Variants in DPP6 observed in about 807,000 individuals in gnomAD.
The protein encoded by DPP6 is A-type potassium channel modulatory protein DPP6.
A neutral mutation model predicts 122.6 loss-of-function variants in DPP6; 69 were observed. That is an observed-to-expected ratio of 0.56 (90% CI 0.46 to 0.69). The LOEUF is 0.69. Ranked by LOEUF, DPP6 falls within the 30% of genes least tolerant of loss-of-function variation. The pLI, the probability that DPP6 is intolerant of heterozygous loss-of-function variation, is 0.00. For missense variants in DPP6, 928 were observed against 1,116.9 expected (o/e 0.83, Z 2.41); for synonymous variants, 418 against 433.1 (o/e 0.97, Z 0.43).
At chr7:154,089,715 A>G (rs11984404) in intron 1 of DPP6, among the ~76,000 whole-genome samples, 32,046 of 139,176 alleles carry the variant, frequency 0.23, 4,283 homozygotes, top group African/African-American at 0.37. Context: ...CACTCATGAA[A>G]TCGACGTGAA....
the DPP6 span, among the ~76,000 whole-genome samples, chr7:153,853,927 A>G: frequency 2.7e-5 from 4 of 149,402 alleles, no homozygotes; most frequent in African/African-American, 9.9e-5. Context: ...GCCCATGCCT[A>G]TGTCCTGAAT....
At chr7:153,869,156 T>G in the DPP6 span, among the ~76,000 whole-genome samples, 1 of 152,246 alleles carries the variant, frequency 6.6e-6, no homozygotes, top group African/African-American at 2.4e-5. Flanking sequence ...GTTCTGTAGA[T>G]GTCTATTAGG....
chr7:153,904,943 A>G lies in DPP6; in HGVS notation c.51+17209A>G, dbSNP rs562760958. Among the ~76,000 whole-genome samples the G allele has an allele frequency of 3.9e-5, 6 of 152,358 alleles. No homozygotes were observed. The East Asian group carries it at 9.6e-4, about 25-fold the overall frequency. On this transcript the variant is annotated intron_variant, in intron 1 of 25. Coordinates refer to the DPP6 transcript ENST00000404039. ...CGCAAAGATAGACAGGAAGCTGTCCATTTTTATGCTTAGGTTCAACAAACT... is the reference window on the plus strand; with the variant it reads ...CGCAAAGATAGACAGGAAGCTGTCCGTTTTTATGCTTAGGTTCAACAAACT...
intron 16 of DPP6, among the ~76,000 whole-genome samples, chr7:154,808,086 C>T (rs575419475): frequency 7.2e-5 from 11 of 152,292 alleles, no homozygotes; most frequent in Admixed American, 7.2e-4. Context: ...TGATCTCCTG[C>T]GATGACCTCA....
chr7:153,824,162 G>A, the DPP6 span, among the ~76,000 whole-genome samples: 8 of 152,168 alleles, frequency 5.3e-5, no homozygotes, highest in Non-Finnish European at 4.4e-5. Context: ...GCCTAGGCGG[G>A]TGGATCACTT....
chr7:154,003,457 T>C (rs1797774505), intron 1 of DPP6, among the ~76,000 whole-genome samples: 2 of 152,242 alleles, frequency 1.3e-5, no homozygotes, highest in African/African-American at 2.4e-5. Flanking sequence ...AAGCTGAGCG[T>C]GTGTGACACT....
At chr7:154,491,479 T>C (rs182080849) in intron 3 of DPP6, among the ~76,000 whole-genome samples, 2 of 152,328 alleles carry the variant, frequency 1.3e-5, no homozygotes, top group Admixed American at 1.3e-4. Flanking sequence ...TCTATTTCAC[T>C]TTGAGGCTCA....
At chr7:154,290,310 T>A (rs988914171) in intron 1 of DPP6, among the ~76,000 whole-genome samples, 8 of 152,200 alleles carry the variant, frequency 5.3e-5, no homozygotes, top group Non-Finnish European at 1.5e-5. Context: ...CTTCAGGCAC[T>A]TCTTATTTCT....
chr7:153,758,463 A>G, the DPP6 span, among the ~76,000 whole-genome samples: 1 of 151,980 alleles, frequency 6.6e-6, no homozygotes, highest in African/African-American at 2.4e-5. Flanking sequence ...GGCAATGAGC[A>G]TATGTGCCAT....
intron 16 of DPP6, among the ~76,000 whole-genome samples, chr7:154,852,792 A>T (rs1405625999): frequency 6.6e-6 from 1 of 152,234 alleles, no homozygotes; most frequent in Non-Finnish European, 1.5e-5. Context: ...TTCTACAAAG[A>T]TCAGGAAAGC....
At chr7:154,809,210 T>C (rs1250836351) in intron 16 of DPP6, among the ~76,000 whole-genome samples, 1 of 152,036 alleles carries the variant, frequency 6.6e-6, no homozygotes, top group Non-Finnish European at 1.5e-5. Context: ...CAGAAAGCAA[T>C]TCCACTCTTC....
chr7:154,259,398 C>A (rs1296641273), intron 1 of DPP6, among the ~76,000 whole-genome samples: 2 of 152,154 alleles, frequency 1.3e-5, no homozygotes, highest in Non-Finnish European at 2.9e-5. Flanking sequence ...TTCGTAAGTG[C>A]CAAACTAATA....
At chr7:153,831,011 A>G in the DPP6 span, among the ~76,000 whole-genome samples, 1 of 152,340 alleles carries the variant, frequency 6.6e-6, no homozygotes, top group East Asian at 1.9e-4. Flanking sequence ...GGGAAAAAGG[A>G]AGATTTTCAT....
intron 1 of DPP6, chr7:154,305,569 GGTCCGTGTGT>G (rs1295998681): frequency 6.3e-7 from 1 of 1,590,722 alleles, no homozygotes; most frequent in Non-Finnish European, 8.6e-7. Flanking sequence ...TGCTTTTGGG[GGTCCGTGTGT>G]GTGTGTGTGC....
intron 4 of DPP6, among the ~76,000 whole-genome samples, chr7:154,548,625 T>C: frequency 1.3e-5 from 2 of 151,960 alleles, no homozygotes; most frequent in East Asian, 3.9e-4. Context: ...CTGTGTACCA[T>C]CACTCCTCCA....
intron 1 of DPP6, among the ~76,000 whole-genome samples, chr7:153,926,220 T>C (rs1409860923): frequency 6.6e-6 from 1 of 152,228 alleles, no homozygotes; most frequent in African/African-American, 2.4e-5. Flanking sequence ...CCTTTCTATC[T>C]TTGAGTCTGT....
At chr7:154,179,396 A>G (rs1428935929) in intron 1 of DPP6, among the ~76,000 whole-genome samples, 4 of 152,210 alleles carry the variant, frequency 2.6e-5, no homozygotes, top group African/African-American at 9.7e-5. Context: ...CATTGGCATC[A>G]AATTAGAAAG....
chr7:154,786,998 T>A (rs1797377780), intron 10 of DPP6, among the ~76,000 whole-genome samples: 1 of 152,222 alleles, frequency 6.6e-6, no homozygotes, highest in Non-Finnish European at 1.5e-5. Context: ...ACTTTCTGTC[T>A]TCCAGAAACA....
chr7:154,875,863 C>T lies in DPP6; in HGVS notation c.1884-43C>T. 1 of 1,574,568 alleles carries T rather than the reference C, an allele frequency of 6.4e-7. No individual in the cohort carries two copies. Among genetic ancestry groups the T allele is most frequent in the Non-Finnish European group, 8.6e-7 (1 of 1,161,594 alleles). On this transcript the variant is annotated intron_variant, in intron 19 of 25. Coordinates refer to ENST00000377770, the MANE Select transcript of DPP6 (RefSeq NM_130797.4). This position sits in a 1 kb window ranked among gnomAD's most constrained non-coding sequence, Gnocchi z 4.5. ...TGGCAGCTGCTAGACCAGCCGCCACCCACCACGCAGCAGGCCTGCTGAGCC... is the reference window on the plus strand; with the variant it reads ...TGGCAGCTGCTAGACCAGCCGCCACTCACCACGCAGCAGGCCTGCTGAGCC...
Sources: gnomAD v4.1 joint callset for allele counts (sites outside exome capture counted in the v4.1 genomes callset) on GRCh38, gnomAD v4.1.1 for gene constraint, Gnocchi (gnomAD v3.1) non-coding constraint, MANE v1.5 for transcripts, NCBI Gene and HGNC (gene_info 2026-07-23, HGNC 2026-07-21) for gene names.